VTA1: variants seen among roughly 807,000 people sequenced by gnomAD.
VTA1 encodes vesicle trafficking 1.
In VTA1, 24 loss-of-function variants were observed where a neutral mutation model predicts 36.9. The observed-to-expected ratio is 0.65, with a 90% CI of 0.47 to 0.91. The LOEUF (loss-of-function observed/expected upper bound fraction) is 0.91. Among genes scored for constraint, VTA1 ranks in the 40% least tolerant of loss-of-function variants. The pLI is 0.00. For missense variants in VTA1, 393 were observed against 377.2 expected (o/e 1.04, Z -0.35); for synonymous variants, 142 against 130.2 (o/e 1.09, Z -0.62).
intron 2 of VTA1, among the ~76,000 whole-genome samples, chr6:142,166,627 T>TA (rs1774920315): frequency 6.6e-6 from 1 of 151,704 alleles, no homozygotes; most frequent in Non-Finnish European, 1.5e-5. Context: ...TTTTTTTTTT[T>TA]AAGTTGAGAC....
At chr6:142,204,631 A>G (rs1306632243) in intron 7 of VTA1, among the ~76,000 whole-genome samples, 2 of 150,396 alleles carry the variant, frequency 1.3e-5, no homozygotes, top group East Asian at 1.9e-4. Context: ...TTTTCTTCAT[A>G]TGTCAGATGA....
chr6:142,187,912 C>CTTTTTTT (rs58131768), intron 4 of VTA1, among the ~76,000 whole-genome samples: 29 of 120,682 alleles, frequency 2.4e-4, no homozygotes, highest in Non-Finnish European at 4.0e-4. Context: ...TACTTTCTTT[C>CTTTTTTT]TTTTTTTTTT....
chr6:142,159,024 G>A (rs1431013494), intron 1 of VTA1, among the ~76,000 whole-genome samples: 2 of 151,716 alleles, frequency 1.3e-5, no homozygotes, highest in African/African-American at 2.4e-5. Flanking sequence ...TATATTTTGC[G>A]ACATAAATAT....
chr6:142,181,094 A>AAAAATATATAT (rs1471429927), intron 4 of VTA1, among the ~76,000 whole-genome samples: 4 of 36,440 alleles, frequency 1.1e-4, no homozygotes, highest in African/African-American at 2.3e-4. Flanking sequence ...AAAAAAAAAA[A>AAAAATATATAT]ATATATATAT....
intron 2 of VTA1, among the ~76,000 whole-genome samples, 186 bp from the exon 3 acceptor site, chr6:142,169,364 T>G (rs527655803): frequency 8.5e-5 from 13 of 152,314 alleles, no homozygotes; most frequent in African/African-American, 3.1e-4. Context: ...GTTGTAAGCA[T>G]TGGATTTTGT....
chr6:142,166,468 A>T (rs755040442), intron 2 of VTA1, 146 bp downstream of exon 2: 109 of 560,756 alleles, frequency 1.9e-4, no homozygotes, highest in Non-Finnish European at 3.1e-4. Flanking sequence ...GTAATAATTT[A>T]TTTTCATTTA....
chr6:142,181,077 A>AG (rs1381055311), intron 4 of VTA1, among the ~76,000 whole-genome samples: 9 of 53,118 alleles, frequency 1.7e-4, no homozygotes, highest in East Asian at 7.9e-4. Context: ...TAAATGGTAC[A>AG]GAAAAAAAAA....
intron 4 of VTA1, among the ~76,000 whole-genome samples, chr6:142,184,690 A>G (rs528313741): frequency 2.6e-5 from 4 of 152,290 alleles, no homozygotes; most frequent in Non-Finnish European, 5.9e-5. Context: ...CAGGAATCCA[A>G]TCTTGATTGA....
intron 7 of VTA1, among the ~76,000 whole-genome samples, chr6:142,211,153 C>T (rs932103551): frequency 6.7e-6 from 1 of 149,748 alleles, no homozygotes; most frequent in Non-Finnish European, 1.5e-5. Flanking sequence ...TTAGTGGTTA[C>T]CAAAGGCCAG....
At position 142,222,836 on chromosome 6, in the gene VTA1, C is replaced by G. The variant is rs1468222583; in HGVS notation, c.*4193C>G. 1 of 152,150 alleles carries G rather than the reference C, an allele frequency of 6.6e-6. No individual in the cohort carries two copies. The highest frequency in any genetic ancestry group is 2.4e-5 in the African/African-American group (1 of 41,430). 9.4% of individuals were successfully genotyped at this position (152,150 alleles called of 1,614,324 possible). On this transcript the variant is annotated 3_prime_UTR_variant, in exon 8 of 8. Transcript: ENST00000367630. ...TTCAATGTTTACTAAATGTCAGATA[C>G]TATTCTAAGTATTTTGCATATATTA... is the stretch of plus-strand genomic sequence containing the variant.
intron 4 of VTA1, among the ~76,000 whole-genome samples, chr6:142,181,095 ATATATAT>A (rs1178719249): frequency 1.4e-4 from 5 of 35,262 alleles, no homozygotes; most frequent in Non-Finnish European, 2.5e-4. Flanking sequence ...AAAAAAAAAA[ATATATAT>A]ATATATATAT....
In VTA1 at chr6:142,224,208, T is replaced by A. The variant is rs1776162063; in HGVS notation, c.*5565T>A. ...GCACGTGTACAGAGAAGAGGCCATG[T>A]GAGGACACGCAGAGGCTCGAATATG... On this transcript the variant is annotated 3_prime_UTR_variant, in exon 8 of 8. Transcript: ENST00000367630. 6.6e-6 allele frequency: 1 copy of A among 152,232 alleles called. No individual in the cohort carries two copies. The highest frequency in any genetic ancestry group is 1.5e-5 in the Non-Finnish European group (1 of 68,042). 9.4% of individuals were successfully genotyped at this position (152,232 alleles called of 1,614,324 possible).
chr6:142,194,330 C>G (rs556284519), intron 5 of VTA1, among the ~76,000 whole-genome samples: 1 of 152,112 alleles, frequency 6.6e-6, no homozygotes, highest in Non-Finnish European at 1.5e-5. Flanking sequence ...GAAAAAATGC[C>G]TACTGGCATT....
At chr6:142,176,922 A>G (rs1342654934) in intron 4 of VTA1, among the ~76,000 whole-genome samples, 6 of 152,172 alleles carry the variant, frequency 3.9e-5, no homozygotes, top group Non-Finnish European at 8.8e-5. Context: ...AAGGCACATG[A>G]ATAGCTGGCT....
chr6:142,218,347 A>G, intron 7 of VTA1, 151 bp from the exon 8 acceptor site: 1 of 750,748 alleles, frequency 1.3e-6, no homozygotes, highest in Non-Finnish European at 2.1e-6. Context: ...AGAATGAAGA[A>G]AATGTATCAA....
chr6:142,149,006 A>G (rs988312303), intron 1 of VTA1, among the ~76,000 whole-genome samples: 1 of 152,188 alleles, frequency 6.6e-6, no homozygotes, highest in Non-Finnish European at 1.5e-5. Context: ...TATCTTTGTG[A>G]CAAACCAGGG....
intron 7 of VTA1, among the ~76,000 whole-genome samples, chr6:142,212,707 CTT>C (rs1300538612): frequency 6.6e-6 from 1 of 152,132 alleles, no homozygotes; most frequent in Non-Finnish European, 1.5e-5. Flanking sequence ...CCTCAGGAAA[CTT>C]ATAATCATGG....
At chr6:142,148,440 G>T (rs1161023024) in intron 1 of VTA1, among the ~76,000 whole-genome samples, 1 of 152,134 alleles carries the variant, frequency 6.6e-6, no homozygotes. Flanking sequence ...ATTATTCTCT[G>T]TGCATTACTT....
At chr6:142,213,089 T>G (rs749531618) in intron 7 of VTA1, among the ~76,000 whole-genome samples, 9 of 152,218 alleles carry the variant, frequency 5.9e-5, no homozygotes, top group Non-Finnish European at 1.3e-4. Context: ...GTAAGTCCTT[T>G]CCACCTATGA....
Sources: gnomAD v4.1 joint callset for allele counts (sites outside exome capture counted in the v4.1 genomes callset) on GRCh38, gnomAD v4.1.1 for gene constraint, MANE v1.5 for transcripts, NCBI Gene and HGNC (gene_info 2026-07-23, HGNC 2026-07-21) for gene names.